PIWIL2: variants seen among roughly 807,000 people sequenced by gnomAD.
PIWIL2 encodes the protein piwi like RNA-mediated gene silencing 2.
In PIWIL2, 81 loss-of-function variants were observed where a neutral mutation model predicts 116.5. The ratio of observed to expected loss-of-function variants is 0.70; its 90% CI spans 0.58 to 0.84. The LOEUF (loss-of-function observed/expected upper bound fraction) is 0.84. Among genes scored for constraint, PIWIL2 ranks in the 40% least tolerant of loss-of-function variants. The pLI, the probability that PIWIL2 is intolerant of heterozygous loss-of-function variation, is 0.00. For synonymous variants in PIWIL2, 489 were observed against 429.5 expected, an observed-to-expected ratio of 1.14 and a Z score of -1.71; for missense variants, 1,272 against 1,212.3, an observed-to-expected ratio of 1.05 and a Z score of -0.73.
At chr8:22,282,096 T>A (rs1230639701) in intron 4 of PIWIL2, among the ~76,000 whole-genome samples, 1 of 145,030 alleles carries the variant, frequency 6.9e-6, no homozygotes, top group African/African-American at 2.5e-5. Flanking sequence ...TTTTTTTTTT[T>A]AAGGGATGGG....
rs767951402 is a variant in PIWIL2 at position 22,340,640 on chromosome 8, T to G, written c.2404-12319T>G. Among the ~76,000 whole-genome samples the G allele has an allele frequency of 8.7e-4, 132 of 152,186 alleles. 1 individual carries two copies. The highest frequency in any genetic ancestry group is 2.1e-4 in the Non-Finnish European group (14 of 68,022). On this transcript the variant is annotated intron_variant, in intron 20 of 22. Transcript: ENST00000356766. ...AAGGAGGAGGCAGAGATTGGAAGAA[T>G]GTATCTGCAAGCCAGAAACACCAAG...
intron 20 of PIWIL2, among the ~76,000 whole-genome samples, chr8:22,325,128 G>A (rs1442592408): frequency 6.6e-6 from 1 of 152,198 alleles, no homozygotes; most frequent in Non-Finnish European, 1.5e-5. Context: ...TTGAGGTCAT[G>A]TGGGAAAGAA....
At chr8:22,292,147 G>C (rs2132004726) in intron 10 of PIWIL2, among the ~76,000 whole-genome samples, 1 of 152,334 alleles carries the variant, frequency 6.6e-6, no homozygotes, top group East Asian at 1.9e-4. Flanking sequence ...AGCAAGCAGG[G>C]TGATGGAGGG....
chr8:22,309,786 T>A (rs1264240639), intron 14 of PIWIL2, among the ~76,000 whole-genome samples, 175 bp from the exon 15 acceptor site: 1 of 152,202 alleles, frequency 6.6e-6, no homozygotes, highest in Non-Finnish European at 1.5e-5. Context: ...TAAATGTAGG[T>A]TTTTATTGAC....
At chr8:22,337,145 A>G in intron 20 of PIWIL2, among the ~76,000 whole-genome samples, 1 of 152,220 alleles carries the variant, frequency 6.6e-6, no homozygotes, top group African/African-American at 2.4e-5. Flanking sequence ...CTATGAAGTC[A>G]GTATTACTCT....
At chr8:22,276,749 A>T (rs1830382185) in intron 1 of PIWIL2, among the ~76,000 whole-genome samples, 2 of 152,022 alleles carry the variant, frequency 1.3e-5, no homozygotes, top group Admixed American at 6.6e-5. Context: ...AATTTTTTTT[A>T]AAAATTAGCT....
At chr8:22,295,036 G>A (rs1586548658) in intron 10 of PIWIL2, among the ~76,000 whole-genome samples, 1 of 151,966 alleles carries the variant, frequency 6.6e-6, no homozygotes. Context: ...CCGAGATCGT[G>A]CCAGTGTACT....
chr8:22,305,172 CATTTATTTATTTATTT>C (rs10669583), intron 12 of PIWIL2, among the ~76,000 whole-genome samples: 1 of 143,850 alleles, frequency 7.0e-6, no homozygotes, highest in African/African-American at 2.5e-5. Flanking sequence ...TATAGATATT[CATTTATTTATTTATTT>C]ATTTATTTAT....
rs1340734968 is a variant in PIWIL2 at position 22,305,167 on chromosome 8, A to ATATT, written c.1455+300_1455+303dup. ...TCTGAATCCATGAGGAAAGGTATAGATATTCATTTATTTATTTATTTATTT... is the reference window on the plus strand; with the variant it reads ...TCTGAATCCATGAGGAAAGGTATAGATATTTATTCATTTATTTATTTATTTATTT... On this transcript the variant is annotated intron_variant, in intron 12 of 22. Transcript: ENST00000356766. 8.0e-4 allele frequency among the ~76,000 whole-genome samples: 90 copies of ATATT among 113,000 alleles called. 1 individual carries two copies. In the East Asian group the frequency reaches 0.014, roughly 18 times the overall value. 74.1% of individuals were successfully genotyped at this position (113,000 alleles called of 152,430 possible).
chr8:22,310,860 T>A (rs1224766498), intron 15 of PIWIL2, among the ~76,000 whole-genome samples: 1 of 152,182 alleles, frequency 6.6e-6, no homozygotes, highest in Non-Finnish European at 1.5e-5. Flanking sequence ...TTTTCTTAAA[T>A]TTGTGTTAGT....
At chr8:22,319,506 C>A (rs1459271896) in intron 20 of PIWIL2, among the ~76,000 whole-genome samples, 1 of 152,152 alleles carries the variant, frequency 6.6e-6, no homozygotes, top group Non-Finnish European at 1.5e-5. Flanking sequence ...TTTATCCATC[C>A]CACTGGGTTG....
chr8:22,338,550 GGTGT>G (rs1388711888), intron 20 of PIWIL2, among the ~76,000 whole-genome samples: 2 of 152,076 alleles, frequency 1.3e-5, no homozygotes, highest in Non-Finnish European at 2.9e-5. Context: ...AGAACAGCTG[GGTGT>G]GGTGGTGCGT....
chr8:22,325,869 T>C (rs1563404909), intron 20 of PIWIL2, among the ~76,000 whole-genome samples: 1 of 152,148 alleles, frequency 6.6e-6, no homozygotes, highest in African/African-American at 2.4e-5. Flanking sequence ...AAGTGTCTGC[T>C]CATGTCAGGC....
intron 13 of PIWIL2, among the ~76,000 whole-genome samples, chr8:22,306,948 T>C (rs888744924): frequency 3.9e-5 from 6 of 152,184 alleles, no homozygotes; most frequent in African/African-American, 9.7e-5. Flanking sequence ...AACTCACTTA[T>C]GTGATTCAGA....
intron 20 of PIWIL2, among the ~76,000 whole-genome samples, chr8:22,327,794 T>C (rs1454130516): frequency 2.6e-5 from 4 of 152,212 alleles, no homozygotes; most frequent in South Asian, 2.1e-4. Flanking sequence ...CCCATTTAAA[T>C]TGGGCTATTT....
Position 22,290,294 on chromosome 8 carries a change from C to T in PIWIL2, c.1129C>T (p.Leu377=). The change falls in exon 10 of 23, where the codon CTA becomes TTA. Residue 377 remains leucine, a synonymous_variant. Coordinates refer to ENST00000356766, the MANE Select transcript of PIWIL2 (RefSeq NM_018068.5). ...AAGGACAGATGGAGGGCTCTTCCTG[C>T]TAGCTGATGTCTCCCATAAGGTCAT... ...IRRTDGGLFL[L]ADVSHKVIRN... 1.9e-6 allele frequency: 3 copies of T among 1,612,636 alleles called. No homozygotes were observed. The highest frequency in any genetic ancestry group is 2.5e-6 in the Non-Finnish European group (3 of 1,178,686).
chr8:22,355,132 G>C (rs772107840), intron 22 of PIWIL2, among the ~76,000 whole-genome samples: 14 of 149,328 alleles, frequency 9.4e-5, no homozygotes, highest in South Asian at 4.2e-4. Context: ...CCTCAATTGA[G>C]AAGATTTACC....
intron 20 of PIWIL2, among the ~76,000 whole-genome samples, chr8:22,329,066 GT>G (rs1831798259): frequency 6.6e-6 from 1 of 152,022 alleles, no homozygotes; most frequent in Admixed American, 6.6e-5. Flanking sequence ...AAAGGTTTCA[GT>G]TTTTCACCAT....
chr8:22,333,600 G>A (rs138257536), intron 20 of PIWIL2, among the ~76,000 whole-genome samples: 1,657 of 152,100 alleles, frequency 0.011, 52 homozygotes, highest in African/African-American at 0.037. Flanking sequence ...CAACAAGAGC[G>A]AGACTCTGTC....
Sources: allele counts gnomAD v4.1 joint callset (sites outside exome capture counted in the v4.1 genomes callset), GRCh38; gene constraint gnomAD v4.1.1; transcripts MANE v1.5; gene names NCBI Gene and HGNC (gene_info 2026-07-23, HGNC 2026-07-21).